Variants in SEC23B observed in about 807,000 individuals in gnomAD.
SEC23B encodes the protein protein transport protein Sec23B.
In SEC23B, 77 loss-of-function variants were observed where a neutral mutation model predicts 104.3. The observed-to-expected ratio is 0.74, with a 90% CI of 0.61 to 0.89. The LOEUF (loss-of-function observed/expected upper bound fraction) is 0.89. Among genes scored for constraint, SEC23B ranks in the 40% least tolerant of loss-of-function variants. The pLI, the probability that SEC23B is intolerant of heterozygous loss-of-function variation, is 0.00. For synonymous variants in SEC23B, 338 were observed against 332.5 expected (o/e 1.02, Z -0.18); for missense variants, 885 against 949.4 (o/e 0.93, Z 0.89).
chr20:18,554,419 G>A lies in SEC23B; in HGVS notation c.2148+29G>A, dbSNP rs561419221. 95 of 1,613,398 alleles carry A rather than the reference G, an allele frequency of 5.9e-5. No individual in the cohort carries two copies. The Admixed American group carries it at 9.0e-4, about 15-fold the overall frequency. Reference sequence around the variant, plus strand: ...AGTGAGCTGAGTTCTAACTCCAGTGGTTTGTTCGTTTTATGATAGATTGTT... The same window carrying A: ...AGTGAGCTGAGTTCTAACTCCAGTGATTTGTTCGTTTTATGATAGATTGTT... On this transcript the variant is annotated intron_variant, in intron 18 of 19. Transcript: ENST00000650089.
chr20:18,559,546 G>C (rs2122195678), intron 19 of SEC23B, among the ~76,000 whole-genome samples: 1 of 152,290 alleles, frequency 6.6e-6, no homozygotes, highest in East Asian at 1.9e-4. Flanking sequence ...AGCCTTTGCT[G>C]GTTCAGGTGG....
intron 17 of SEC23B, among the ~76,000 whole-genome samples, chr20:18,553,718 G>T (rs1049382831): frequency 6.6e-6 from 1 of 152,136 alleles, no homozygotes; most frequent in Non-Finnish European, 1.5e-5. Context: ...TTTGCCAAGG[G>T]TACCCCAATT....
chr20:18,539,170 C>T (rs1345719668), intron 12 of SEC23B, among the ~76,000 whole-genome samples: 1 of 149,286 alleles, frequency 6.7e-6, no homozygotes, highest in African/African-American at 2.5e-5. Context: ...CGAGATTGCG[C>T]CACTGCACTC....
intron 17 of SEC23B, among the ~76,000 whole-genome samples, chr20:18,552,369 CTG>C (rs2060394882): frequency 6.6e-6 from 1 of 152,236 alleles, no homozygotes; most frequent in South Asian, 2.1e-4. Flanking sequence ...TAGTCCTAGA[CTG>C]AGAGCCGGAT....
Position 18,526,532 on chromosome 20 carries a change from G to A in SEC23B, c.993+1G>A. ...ACGATTCATGAAAAAGGCAACCAAGGTAGGTGCTCTTGGGTATGGGCTGTA... is the reference window on the plus strand; with the variant it reads ...ACGATTCATGAAAAAGGCAACCAAGATAGGTGCTCTTGGGTATGGGCTGTA... On this transcript the variant is annotated splice_donor_variant, in intron 8 of 19. Transcript: ENST00000650089. LOFTEE classifies it high-confidence loss of function. The A allele has an allele frequency of 6.2e-7, 1 of 1,614,136 alleles. No homozygotes were observed. Among genetic ancestry groups the A allele is most frequent in the Non-Finnish European group, 8.5e-7 (1 of 1,180,008 alleles).
intron 11 of SEC23B, among the ~76,000 whole-genome samples, chr20:18,534,050 A>G (rs2060207816): frequency 6.6e-6 from 1 of 152,318 alleles, no homozygotes; most frequent in Middle Eastern, 3.4e-3. Flanking sequence ...TTCTATACCT[A>G]CCATTTAGTC....
intron 15 of SEC23B, among the ~76,000 whole-genome samples, chr20:18,547,933 G>T (rs2060348119): frequency 6.6e-6 from 1 of 151,482 alleles, no homozygotes; most frequent in South Asian, 2.1e-4. Flanking sequence ...AAAAAATTTT[G>T]TATTTTTTTA....
intron 3 of SEC23B, among the ~76,000 whole-genome samples, chr20:18,514,134 A>C (rs538735529): frequency 6.6e-6 from 1 of 152,196 alleles, no homozygotes. Context: ...CTGCAAGTCT[A>C]TGTGTCCTAA....
intron 3 of SEC23B, among the ~76,000 whole-genome samples, chr20:18,513,822 G>C (rs2148887200): frequency 6.6e-6 from 1 of 152,330 alleles, no homozygotes; most frequent in East Asian, 1.9e-4. Context: ...GGGTAGCATA[G>C]TGGCTAAAGA....
intron 3 of SEC23B, among the ~76,000 whole-genome samples, chr20:18,512,581 A>G (rs531835439): frequency 1.1e-4 from 17 of 152,234 alleles, no homozygotes; most frequent in African/African-American, 3.9e-4. Context: ...CCTGTTTTTC[A>G]TATTTCTCTT....
intron 3 of SEC23B, among the ~76,000 whole-genome samples, chr20:18,515,101 C>T (rs2060013457): frequency 1.3e-5 from 2 of 152,054 alleles, no homozygotes; most frequent in African/African-American, 2.4e-5. Flanking sequence ...TCACTTGAAA[C>T]CAGGAGTTCA....
intron 19 of SEC23B, among the ~76,000 whole-genome samples, chr20:18,556,363 A>G (rs762625351): frequency 2.6e-5 from 4 of 152,232 alleles, no homozygotes; most frequent in Admixed American, 6.5e-5. Flanking sequence ...GGGGATCCAC[A>G]GGAGGTCCTA....
At chr20:18,521,874 C>T (rs984834943) in intron 4 of SEC23B, among the ~76,000 whole-genome samples, 9 of 152,106 alleles carry the variant, frequency 5.9e-5, no homozygotes, top group East Asian at 1.9e-4. Flanking sequence ...ACGTCAGGCA[C>T]CTCAGACCAT....
chr20:18,550,412 C>T (rs1402171342), intron 16 of SEC23B, among the ~76,000 whole-genome samples: 2 of 152,116 alleles, frequency 1.3e-5, no homozygotes, highest in Non-Finnish European at 2.9e-5. Flanking sequence ...CTGCCTTGGC[C>T]TCCCAAAGTT....
chr20:18,537,702 A>G (rs1304171000), intron 12 of SEC23B, among the ~76,000 whole-genome samples: 4 of 152,256 alleles, frequency 2.6e-5, no homozygotes, highest in Admixed American at 6.5e-5. Flanking sequence ...TAACCTGCAC[A>G]TTGTGCACAT....
intron 16 of SEC23B, 33 bp downstream of exon 16, chr20:18,548,803 T>A (rs1344853480): frequency 3.7e-6 from 6 of 1,602,184 alleles, no homozygotes; most frequent in Admixed American, 1.7e-5. Context: ...TCCTGAGGAT[T>A]GGAATCACCT....
chr20:18,554,160 T>A (rs1166615431), intron 17 of SEC23B, 75 bp from the exon 18 acceptor site: 1 of 1,534,010 alleles, frequency 6.5e-7, no homozygotes, highest in Non-Finnish European at 9.0e-7. Flanking sequence ...TGGGTGGCGA[T>A]GGTAGAATGT....
At chr20:18,528,315 A>T (rs947511626) in intron 9 of SEC23B, among the ~76,000 whole-genome samples, 1 of 152,158 alleles carries the variant, frequency 6.6e-6, no homozygotes, top group African/African-American at 2.4e-5. Context: ...TAAAAGCTAC[A>T]CTTTCTTTAG....
At chr20:18,515,963 C>T (rs1199376209) in intron 4 of SEC23B, 1 of 513,570 alleles carries the variant, frequency 1.9e-6, no homozygotes, top group Non-Finnish European at 3.5e-6. Context: ...AACCTGTTCT[C>T]TGTAGCCTTC....
Sources: allele counts gnomAD v4.1 joint callset (sites outside exome capture counted in the v4.1 genomes callset), GRCh38; gene constraint gnomAD v4.1.1; transcripts MANE v1.5; gene names NCBI Gene and HGNC (gene_info 2026-07-23, HGNC 2026-07-21).